PMP22: variants seen among roughly 807,000 people sequenced by gnomAD.
The protein encoded by PMP22 is peripheral myelin protein 22, also known as Charcot-Marie-Tooth neuropathy 1A (greatly reduced nerve conduction velocity, hereditary motor sensory neuropathy Ia).
A neutral mutation model predicts 18.9 loss-of-function variants in PMP22; 2 were observed. That is an observed-to-expected ratio of 0.11 (90% CI 0.04 to 0.33). The LOEUF (loss-of-function observed/expected upper bound fraction) is 0.33, where lower values mean the gene tolerates loss of function less well. Among genes scored for constraint, PMP22 ranks in the 10% least tolerant of loss-of-function variants. PMP22 has a pLI of 1.00. For synonymous variants in PMP22, 95 were observed against 89.2 expected, an observed-to-expected ratio of 1.07 and a Z score of -0.37; for missense variants, 169 against 202.2, an observed-to-expected ratio of 0.84 and a Z score of 1.00.
intron 1 of PMP22, among the ~76,000 whole-genome samples, chr17:15,264,584 T>C (rs563856072): frequency 6.6e-6 from 1 of 152,370 alleles, no homozygotes; most frequent in South Asian, 2.1e-4. Flanking sequence ...TATTGGGTGC[T>C]ACAGCTCGCT....
Position 15,265,156 on chromosome 17 carries a change from G to T in PMP22, c.-37C>A, listed in dbSNP as rs543840509. On this transcript the variant is annotated splice_region_variant and 5_prime_UTR_variant, in exon 1 of 5. Coordinates refer to ENST00000312280, the MANE Select transcript of PMP22 (RefSeq NM_000304.4). ...CACAGTTTGCCAATAAAACTCACCC[G>T]GCCAAACAGCGTAACCCCTTCTTCC... The T allele has an allele frequency of 1.3e-5, 2 of 152,012 alleles. No individual in the cohort carries two copies. Among genetic ancestry groups the T allele is most frequent in the South Asian group, 4.2e-4 (2 of 4,814 alleles). 9.4% of individuals were successfully genotyped at this position (152,012 alleles called of 1,614,324 possible). A position where few individuals can be genotyped will look rare whatever the true frequency, so the allele number is the denominator to read the frequency against.
At chr17:15,231,114 G>T (rs1322296556) in intron 4 of PMP22, 34 bp from the exon 5 acceptor site, 1 of 1,611,048 alleles carries the variant, frequency 6.2e-7, no homozygotes, top group African/African-American at 1.3e-5. Context: ...GGGTGACGGA[G>T]AGTCCATGGC....
chr17:15,252,223 G>T (rs1908416710), intron 3 of PMP22, among the ~76,000 whole-genome samples: 2 of 152,216 alleles, frequency 1.3e-5, no homozygotes, highest in African/African-American at 4.8e-5. Flanking sequence ...AAATGACAGT[G>T]TCACCAAATT....
Position 15,232,363 on chromosome 17 carries a change from ACCT to A in PMP22, c.320-1286_320-1284del, listed in dbSNP as rs1906433173. ...AATGGGACAGCATCCAGGACCTGCC[ACCT>A]ACAGGAAGTTCAGAAGACAGCAAAG... is the stretch of plus-strand genomic sequence containing the variant. On this transcript the variant is annotated intron_variant, in intron 4 of 4. Transcript: ENST00000312280. The A allele has an allele frequency of 2.0e-5, 3 of 152,334 alleles. No individual in the cohort carries two copies. In the South Asian group the frequency reaches 6.2e-4, roughly 32 times the overall value. The allele number at this position is 152,334 out of a possible 1,614,324, so 9.4% of individuals were successfully genotyped here. A position where few individuals can be genotyped will look rare whatever the true frequency, so the allele number is the denominator to read the frequency against.
Position 15,239,984 on chromosome 17 carries a change from G to A in PMP22, c.179-373C>T, listed in dbSNP as rs1025033425. Among the ~76,000 whole-genome samples, 8 of 151,886 alleles carry A rather than the reference G, an allele frequency of 5.3e-5. No homozygotes were observed. In the South Asian group the frequency reaches 6.2e-4, roughly 12 times the overall value. ...TGTGTATATACACATATACAAATAC[G>A]TGACACACACATATATATAAAAAAC... On this transcript the variant is annotated intron_variant, in intron 3 of 4. Transcript: ENST00000312280.
intron 3 of PMP22, among the ~76,000 whole-genome samples, chr17:15,246,515 A>T (rs1433837905): frequency 1.3e-5 from 2 of 152,246 alleles, no homozygotes; most frequent in Non-Finnish European, 2.9e-5. Context: ...AACCTGTTCT[A>T]TTTAGATCAA....
rs756277009 is a variant in PMP22, at chr17:15,231,085, G to T, written c.320-5C>A. 6.2e-7 allele frequency: 1 copy of T among 1,613,306 alleles called. No homozygotes were observed. Among genetic ancestry groups the T allele is most frequent in the Non-Finnish European group, 8.5e-7 (1 of 1,179,922 alleles). On this transcript the variant is annotated splice_region_variant and splice_polypyrimidine_tract_variant and intron_variant, in intron 4 of 4. Coordinates refer to ENST00000312280, the MANE Select transcript of PMP22 (RefSeq NM_000304.4). ...CAGCACTCATCACGCACAGACCTGG[G>T]GAAGGAGAGGGACAAGCTGGGTGAC...
intron 4 of PMP22, among the ~76,000 whole-genome samples, chr17:15,234,938 T>A (rs1906667675): frequency 6.6e-6 from 1 of 152,174 alleles, no homozygotes; most frequent in East Asian, 1.9e-4. Flanking sequence ...TGCCTCAGCC[T>A]CCTGAATAGC....
intron 3 of PMP22, among the ~76,000 whole-genome samples, chr17:15,242,251 C>CAAAAAAAA (rs59075019): frequency 7.3e-5 from 4 of 54,788 alleles, no homozygotes; most frequent in Non-Finnish European, 7.1e-5. Context: ...GACTCTGTCT[C>CAAAAAAAA]AAAAAAAAAA....
At chr17:15,259,761 G>A (rs1909143338) in intron 2 of PMP22, among the ~76,000 whole-genome samples, 2 of 149,662 alleles carry the variant, frequency 1.3e-5, no homozygotes, top group Admixed American at 6.7e-5. Context: ...CCAACATAGT[G>A]AAACCCCGTC....
chr17:15,236,701 C>G (rs1306297144), intron 4 of PMP22, among the ~76,000 whole-genome samples: 1 of 152,208 alleles, frequency 6.6e-6, no homozygotes, highest in African/African-American at 2.4e-5. Context: ...TTACTAACTT[C>G]TTACTAGTCT....
In PMP22 at chr17:15,230,571, CAAAA is replaced by C; in HGVS notation, c.*342_*345del. ...GGAGTTATCTTATTTCTGGGTAAAA[CAAAA>C]CAAACAAACAAAAAACAAAACAAAA... On this transcript the variant is annotated 3_prime_UTR_variant, in exon 5 of 5. Coordinates refer to ENST00000312280, the MANE Select transcript of PMP22 (RefSeq NM_000304.4). 1 of 260,940 alleles carries C rather than the reference CAAAA, an allele frequency of 3.8e-6. No individual in the cohort carries two copies. Among genetic ancestry groups the C allele is most frequent in the East Asian group, 9.5e-5 (1 of 10,522 alleles). 16.2% of individuals were successfully genotyped at this position (260,940 alleles called of 1,614,324 possible).
At chr17:15,241,106 C>A (rs1907277516) in intron 3 of PMP22, among the ~76,000 whole-genome samples, 1 of 152,148 alleles carries the variant, frequency 6.6e-6, no homozygotes, top group Non-Finnish European at 1.5e-5. Flanking sequence ...ATGACACAGC[C>A]AAATCTAAGA....
At chr17:15,263,445 C>T (rs1364298328) in intron 1 of PMP22, among the ~76,000 whole-genome samples, 4 of 152,120 alleles carry the variant, frequency 2.6e-5, no homozygotes, top group South Asian at 4.1e-4. Context: ...GAGGCTAGCC[C>T]CCTTCAGTCT....
intron 4 of PMP22, among the ~76,000 whole-genome samples, chr17:15,233,556 C>G (rs545970551): frequency 3.3e-5 from 5 of 152,230 alleles, no homozygotes; most frequent in African/African-American, 9.6e-5. Context: ...ACCCAAGGGG[C>G]CAAGGTCAAA....
intron 4 of PMP22, among the ~76,000 whole-genome samples, chr17:15,236,066 CT>C (rs58945161): frequency 0.14 from 19,505 of 144,234 alleles, 1,650 homozygotes; most frequent in African/African-American, 0.24. Context: ...CGCCCACTGT[CT>C]TTTTTTTTTT....
rs572651229 is a variant in PMP22 at position 15,260,930 on chromosome 17, G to T, written c.-34-169C>A. The T allele has an allele frequency of 7.2e-5, 29 of 402,850 alleles. No individual in the cohort carries two copies. The East Asian group carries it at 1.2e-3, about 17-fold the overall frequency. The allele number at this position is 402,850 out of a possible 1,614,324, so 25.0% of individuals were successfully genotyped here. ...TCGCGCCGCCTGCCGCCGAGAGGGG[G>T]CAGCAGCCGCCTGCAGGACCAGCGC... On this transcript the variant is annotated intron_variant, in intron 1 of 4. Transcript: ENST00000312280.
chr17:15,241,500 A>C (rs1907312013), intron 3 of PMP22, among the ~76,000 whole-genome samples: 1 of 152,128 alleles, frequency 6.6e-6, no homozygotes, highest in Non-Finnish European at 1.5e-5. Flanking sequence ...GCTGGTGGAG[A>C]CAATATCTTA....
In PMP22 at chr17:15,261,439, G is replaced by T. The variant is rs997707582; in HGVS notation, c.-34-678C>A. On this transcript the variant is annotated intron_variant, in intron 1 of 4. Coordinates refer to ENST00000312280, the MANE Select transcript of PMP22 (RefSeq NM_000304.4). The surrounding 1 kb of genome is among the most constrained non-coding windows in gnomAD (Gnocchi z 5.2). ...GTGCAGAGCCAGAGTAGTGTGGAAA[G>T]AAAAGAATGGCTCGAGAGGGTTGCC... The T allele has an allele frequency of 6.6e-6, 1 of 152,458 alleles. No homozygotes were observed. The highest frequency in any genetic ancestry group is 6.5e-5 in the Admixed American group (1 of 15,288). The allele number at this position is 152,458 out of a possible 1,614,324, so 9.4% of individuals were successfully genotyped here. A position where few individuals can be genotyped will look rare whatever the true frequency, so the allele number is the denominator to read the frequency against.
Sources: gnomAD v4.1 joint callset for allele counts (sites outside exome capture counted in the v4.1 genomes callset) on GRCh38, gnomAD v4.1.1 for gene constraint, Gnocchi (gnomAD v3.1) non-coding constraint, MANE v1.5 for transcripts, NCBI Gene and HGNC (gene_info 2026-07-23, HGNC 2026-07-21) for gene names.